TMOD3: variants seen among roughly 807,000 people sequenced by gnomAD.
TMOD3 encodes the protein tropomodulin 3.
In TMOD3, 20 loss-of-function variants were observed where a neutral mutation model predicts 39.2. That is an observed-to-expected ratio of 0.51 (90% CI 0.36 to 0.74). The LOEUF (loss-of-function observed/expected upper bound fraction) is 0.74. Among genes scored for constraint, TMOD3 ranks in the 30% least tolerant of loss-of-function variants. The probability of loss-of-function intolerance (pLI) is 0.00; values close to 1 mark genes in which losing one functional copy is unlikely to be tolerated. For synonymous variants in TMOD3, 143 were observed against 145.8 expected (o/e 0.98, Z 0.14); for missense variants, 381 against 412.8 (o/e 0.92, Z 0.67).
intron 9 of TMOD3, among the ~76,000 whole-genome samples, chr15:51,903,045 AAGTGCTGGGATT>A (rs1415069207): frequency 6.6e-6 from 1 of 152,066 alleles, no homozygotes; most frequent in Non-Finnish European, 1.5e-5. Flanking sequence ...CGGCCTCCCA[AAGTGCTGGGATT>A]ACAGGCGTGA....
chr15:51,888,280 A>T (rs1166587119), intron 4 of TMOD3, among the ~76,000 whole-genome samples: 1 of 152,212 alleles, frequency 6.6e-6, no homozygotes, highest in African/African-American at 2.4e-5. Flanking sequence ...AGTGTGATGC[A>T]TGGGGAGTTC....
rs75011319 is a variant in TMOD3, at chr15:51,861,022, C to T, written c.-74-1789C>T. 2.1e-3 allele frequency: 1,446 copies of T among 701,944 alleles called. 19 individuals carry two copies. The African/African-American group carries it at 0.023, about 11-fold the overall frequency. The allele number at this position is 701,944 out of a possible 1,614,324, so 43.5% of individuals were successfully genotyped here. Reference sequence around the variant, plus strand: ...GAGGCACTTCGGAAAACACCTTGTACCTGGTGTACAATAGAATTCTCAATC... The same window carrying T: ...GAGGCACTTCGGAAAACACCTTGTATCTGGTGTACAATAGAATTCTCAATC... On this transcript the variant is annotated intron_variant, in intron 1 of 9. Transcript: ENST00000308580.
intron 1 of TMOD3, among the ~76,000 whole-genome samples, chr15:51,853,640 A>G (rs1207206368): frequency 6.6e-6 from 1 of 152,108 alleles, no homozygotes. Flanking sequence ...TAATGGATGT[A>G]TATATAAAGA....
chr15:51,876,182 T>C (rs954869557), intron 3 of TMOD3, among the ~76,000 whole-genome samples: 4 of 152,118 alleles, frequency 2.6e-5, no homozygotes, highest in Admixed American at 2.6e-4. Context: ...TGTTGTTGTT[T>C]GTAAGAGACA....
intron 1 of TMOD3, among the ~76,000 whole-genome samples, chr15:51,850,398 G>A (rs2056355609): frequency 6.6e-6 from 1 of 152,104 alleles, no homozygotes; most frequent in African/African-American, 2.4e-5. Context: ...AGAGTGTATG[G>A]GTACAGGTGT....
chr15:51,860,506 C>T, intron 1 of TMOD3: 1 of 576,950 alleles, frequency 1.7e-6, no homozygotes, highest in Admixed American at 1.9e-5. Flanking sequence ...AGTTGCCTTG[C>T]ACTTTCTGAA....
At chr15:51,853,790 TAAAAAAA>T (rs74342679) in intron 1 of TMOD3, among the ~76,000 whole-genome samples, 1 of 126,512 alleles carries the variant, frequency 7.9e-6, no homozygotes, top group Non-Finnish European at 1.7e-5. Context: ...CACTGTCTCT[TAAAAAAA>T]AAAAAAAAAA....
chr15:51,890,991 C>G (rs2056590055), intron 5 of TMOD3, among the ~76,000 whole-genome samples: 1 of 152,042 alleles, frequency 6.6e-6, no homozygotes, highest in South Asian at 2.1e-4. Flanking sequence ...TATTACATAC[C>G]TATAAATATT....
rs115561132 is a variant in TMOD3 at position 51,874,505 on chromosome 15, T to A, written c.283+5132T>A. On this transcript the variant is annotated intron_variant, in intron 3 of 9. Transcript: ENST00000308580. ...GCACAGGAGTGAAAGAGAGTATTCA[T>A]CCAGCTTGTTCTCGTTTGGAGAATG... 5.7e-3 allele frequency among the ~76,000 whole-genome samples: 867 copies of A among 152,334 alleles called. 9 individuals carry two copies. The highest frequency in any genetic ancestry group is 0.02 in the African/African-American group (838 of 41,562).
At position 51,896,409 on chromosome 15, in the gene TMOD3, G is replaced by A; in HGVS notation, c.628-10G>A. ...AAATGTAATGATGTTTTATGTTATT[G>A]TCTTTCAAGAATATCCCAATTCCAA... On this transcript the variant is annotated splice_polypyrimidine_tract_variant and intron_variant, in intron 6 of 9. Coordinates refer to ENST00000308580, the MANE Select transcript of TMOD3 (RefSeq NM_014547.5). The A allele has an allele frequency of 3.2e-6, 5 of 1,563,434 alleles. No homozygotes were observed. The highest frequency in any genetic ancestry group is 4.4e-6 in the Non-Finnish European group (5 of 1,137,920).
chr15:51,842,599 G>GT, intron 1 of TMOD3, among the ~76,000 whole-genome samples: 1 of 152,246 alleles, frequency 6.6e-6, no homozygotes, highest in Middle Eastern at 3.4e-3. Context: ...TAGGCATGAG[G>GT]TTTTCTACAT....
At chr15:51,838,672 T>G (rs1411496888) in intron 1 of TMOD3, among the ~76,000 whole-genome samples, 1 of 152,180 alleles carries the variant, frequency 6.6e-6, no homozygotes, top group East Asian at 1.9e-4. Context: ...TGAGCTTTTT[T>G]GCACCCTATT....
chr15:51,856,621 C>T (rs199774329), intron 1 of TMOD3, among the ~76,000 whole-genome samples: 22 of 148,068 alleles, frequency 1.5e-4, no homozygotes, highest in African/African-American at 3.2e-4. Flanking sequence ...TTTTTTTTAA[C>T]GGGCAAAAGA....
At chr15:51,832,956 C>A (rs1324653474) in intron 1 of TMOD3, among the ~76,000 whole-genome samples, 1 of 152,218 alleles carries the variant, frequency 6.6e-6, no homozygotes, top group Non-Finnish European at 1.5e-5. Flanking sequence ...GCATTATTCT[C>A]TAGGCCGTGT....
In TMOD3 at chr15:51,908,787, C is replaced by T. The variant is rs757270688; in HGVS notation, c.1036C>T (p.Arg346Ter). The T allele has an allele frequency of 1.9e-6, 3 of 1,606,712 alleles. No homozygotes were observed. Among genetic ancestry groups the T allele is most frequent in the East Asian group, 2.2e-5 (1 of 44,598 alleles). ...TKNNDLVRKR[R>*]VEGDHQ is the part of the protein sequence containing the mutation. ...TATTTTTCTCATAGTGCGTAAGAGA[C>T]GAGTTGAAGGAGATCACCAGTAAGT... Residue 346 changes from arginine (R) to a stop codon, truncating the protein, a stop_gained, in exon 10 of 10, where the codon CGA (arginine) becomes TGA (stop). Coordinates refer to ENST00000308580, the MANE Select transcript of TMOD3 (RefSeq NM_014547.5). LOFTEE classifies it high-confidence loss of function.
chr15:51,855,431 G>A (rs2570247), intron 1 of TMOD3, among the ~76,000 whole-genome samples: 7,438 of 152,284 alleles, frequency 0.049, 422 homozygotes, highest in African/African-American at 0.12. Context: ...TAAAAAGTGA[G>A]TTAAGAAGGA....
At chr15:51,878,376 ATGTGTGTGTG>A (rs10586896) in intron 3 of TMOD3, among the ~76,000 whole-genome samples, 14 of 147,428 alleles carry the variant, frequency 9.5e-5, no homozygotes, top group Admixed American at 4.1e-4. Context: ...TTTAAAATAT[ATGTGTGTGTG>A]TGTGTGTGTG....
At chr15:51,855,147 G>A (rs1162813154) in intron 1 of TMOD3, among the ~76,000 whole-genome samples, 1 of 152,202 alleles carries the variant, frequency 6.6e-6, no homozygotes, top group Non-Finnish European at 1.5e-5. Flanking sequence ...TTCAGCCTTC[G>A]AAGACTTTTG....
At chr15:51,847,494 T>C (rs989103825) in intron 1 of TMOD3, among the ~76,000 whole-genome samples, 8 of 152,230 alleles carry the variant, frequency 5.3e-5, no homozygotes, top group Non-Finnish European at 8.8e-5. Context: ...TGTGCTAATA[T>C]CTGAGTCAAC....
Sources: gnomAD v4.1 joint callset for allele counts (sites outside exome capture counted in the v4.1 genomes callset) on GRCh38, gnomAD v4.1.1 for gene constraint, MANE v1.5 for transcripts, NCBI Gene and HGNC (gene_info 2026-07-23, HGNC 2026-07-21) for gene names.